The following CNTLN variants were observed in gnomAD, a reference collection of about 807,000 sequenced individuals.
CNTLN encodes the protein centlein, centrosomal protein.
In CNTLN, 212 loss-of-function variants were observed where a neutral mutation model predicts 180.0. That is an observed-to-expected ratio of 1.18 (90% CI 1.05 to 1.32). The LOEUF is 1.32. CNTLN is among the 40% of genes most tolerant of loss of function. The pLI is 0.00. For missense variants in CNTLN, 2,095 were observed against 1,610.9 expected (o/e 1.30, Z -5.14); for synonymous variants, 722 against 563.1 (o/e 1.28, Z -3.99).
chr9:17,401,183 C>G (rs1390614534), intron 15 of CNTLN, among the ~76,000 whole-genome samples: 2 of 152,098 alleles, frequency 1.3e-5, no homozygotes, highest in Admixed American at 1.3e-4. Context: ...TAGTTAGTCT[C>G]TTGACACAGT....
At chr9:17,517,588 C>G in the CNTLN span, among the ~76,000 whole-genome samples, 1 of 151,934 alleles carries the variant, frequency 6.6e-6, no homozygotes, top group Admixed American at 6.6e-5. Flanking sequence ...GGACCATGTG[C>G]AGACGGAGGT....
chr9:17,329,549 A>C (rs1390549634), intron 8 of CNTLN, among the ~76,000 whole-genome samples: 2 of 152,086 alleles, frequency 1.3e-5, no homozygotes, highest in Non-Finnish European at 2.9e-5. Flanking sequence ...GGTTGGAAAC[A>C]AATGAGGTGA....
intron 11 of CNTLN, 63 bp downstream of exon 11, chr9:17,341,011 T>C (rs1012568926): frequency 2.2e-5 from 31 of 1,418,056 alleles, no homozygotes; most frequent in Non-Finnish European, 2.6e-5. Flanking sequence ...TAGCATTATA[T>C]AGGTGTCTTA....
At chr9:17,252,702 T>C (rs1348239577) in intron 5 of CNTLN, among the ~76,000 whole-genome samples, 6 of 151,718 alleles carry the variant, frequency 4.0e-5, no homozygotes, top group Non-Finnish European at 8.9e-5. Flanking sequence ...ACTTTGAAGA[T>C]TGTCTGTTTT....
chr9:17,506,118 A>G (rs1209974729), downstream of CNTLN, among the ~76,000 whole-genome samples: 2 of 152,056 alleles, frequency 1.3e-5, no homozygotes, highest in African/African-American at 4.8e-5. Context: ...CTCACACATC[A>G]CACATTCAGA....
chr9:17,212,179 T>C (rs914155885), intron 2 of CNTLN, among the ~76,000 whole-genome samples: 1 of 152,222 alleles, frequency 6.6e-6, no homozygotes, highest in Non-Finnish European at 1.5e-5. Context: ...CAGTATGATA[T>C]TGGCTGTGGG....
intron 13 of CNTLN, among the ~76,000 whole-genome samples, chr9:17,370,631 A>C (rs548029546): frequency 6.6e-6 from 1 of 152,354 alleles, no homozygotes; most frequent in African/African-American, 2.4e-5. Flanking sequence ...GTCACTGGCA[A>C]TAGTAAGTAC....
chr9:17,238,607 C>T (rs1825298107), intron 5 of CNTLN, among the ~76,000 whole-genome samples: 1 of 152,160 alleles, frequency 6.6e-6, no homozygotes, highest in Non-Finnish European at 1.5e-5. Context: ...CACAGTTTTG[C>T]ACGACTGTCC....
At chr9:17,432,908 C>T (rs1366561882) in intron 18 of CNTLN, among the ~76,000 whole-genome samples, 1 of 150,948 alleles carries the variant, frequency 6.6e-6, no homozygotes, top group Non-Finnish European at 1.5e-5. Flanking sequence ...GTAATCCTAG[C>T]TACTCAGGAG....
chr9:17,136,561 C>G (rs1054266393), intron 1 of CNTLN, among the ~76,000 whole-genome samples: 2 of 152,166 alleles, frequency 1.3e-5, no homozygotes, highest in Non-Finnish European at 2.9e-5. Context: ...GATCTCCTGA[C>G]CTCGTGGTCC....
chr9:17,188,058 A>C (rs1402198811), intron 2 of CNTLN, among the ~76,000 whole-genome samples: 1 of 150,162 alleles, frequency 6.7e-6, no homozygotes, highest in African/African-American at 2.4e-5. Flanking sequence ...TATATATATA[A>C]ATTGTAGTTT....
chr9:17,177,732 T>C (rs1312356895), intron 2 of CNTLN, among the ~76,000 whole-genome samples: 2 of 152,126 alleles, frequency 1.3e-5, no homozygotes, highest in Admixed American at 6.5e-5. Context: ...GGACTGAAGC[T>C]GCAGACCTTC....
chr9:17,440,499 G>C (rs997730334), intron 18 of CNTLN, among the ~76,000 whole-genome samples: 1 of 149,628 alleles, frequency 6.7e-6, no homozygotes, highest in African/African-American at 2.5e-5. Context: ...TGAGGCAGGA[G>C]AATGGCGTGA....
intron 8 of CNTLN, among the ~76,000 whole-genome samples, chr9:17,328,713 C>G (rs1461646572): frequency 4.6e-5 from 7 of 152,074 alleles, no homozygotes; most frequent in Admixed American, 2.6e-4. Context: ...CAAAATGCCT[C>G]TGTTGGATGA....
intron 23 of CNTLN, 95 bp downstream of exon 23, chr9:17,466,986 G>C (rs1012578145): frequency 2.6e-6 from 2 of 773,748 alleles, no homozygotes; most frequent in African/African-American, 3.6e-5. Flanking sequence ...GTTTCTTTCT[G>C]CTTTCCTAAC....
At chr9:17,524,653 C>G in the CNTLN span, among the ~76,000 whole-genome samples, 1 of 152,200 alleles carries the variant, frequency 6.6e-6, no homozygotes, top group East Asian at 1.9e-4. Flanking sequence ...GCAGCTTAAA[C>G]TTTCATTCTC....
At chr9:17,405,879 C>T (rs1284698877) in intron 15 of CNTLN, among the ~76,000 whole-genome samples, 1 of 151,630 alleles carries the variant, frequency 6.6e-6, no homozygotes, top group African/African-American at 2.4e-5. Context: ...TCCTCTGTCC[C>T]CTGGGTTCAA....
At position 17,332,724 on chromosome 9, in the gene CNTLN, A is replaced by C; in HGVS notation, c.1638A>C (p.Gln546His). ...TTGAAAACTTAGAGAAGGCACTACAACTAAAGGTGAACATTAAATCATTTC... is the reference window on the plus strand; with the variant it reads ...TTGAAAACTTAGAGAAGGCACTACACCTAAAGGTGAACATTAAATCATTTC... ...RKIENLEKAL[Q>H]LKSQENDELR... The change falls in exon 10 of 26, where the codon CAA becomes CAC. Residue 546 changes from glutamine to histidine, a missense_variant. Physicochemically the swap from Gln to His is conservative, Grantham distance 24. Transcript: ENST00000380647. The C allele has an allele frequency of 6.3e-7, 1 of 1,587,920 alleles. No individual in the cohort carries two copies. The highest frequency in any genetic ancestry group is 1.2e-5 in the South Asian group (1 of 86,354).
At chr9:17,301,653 T>C (rs570315597) in intron 7 of CNTLN, 2 of 972,788 alleles carry the variant, frequency 2.1e-6, no homozygotes, top group African/African-American at 3.5e-5. Flanking sequence ...TAGATGCTTG[T>C]AGTTGTTCAT....
Sources: allele counts gnomAD v4.1 joint callset (sites outside exome capture counted in the v4.1 genomes callset), GRCh38; gene constraint gnomAD v4.1.1; transcripts MANE v1.5; gene names NCBI Gene and HGNC (gene_info 2026-07-23, HGNC 2026-07-21).